The following MYO3B variants were observed in gnomAD, a reference collection of about 807,000 sequenced individuals.
MYO3B encodes myosin-IIIb.
A neutral mutation model predicts 174.6 loss-of-function variants in MYO3B; 156 were observed. That is an observed-to-expected ratio of 0.89 (90% CI 0.78 to 1.02). MYO3B has a LOEUF of 1.02. Among genes scored for constraint, MYO3B ranks in the 50% least tolerant of loss-of-function variants. The probability of loss-of-function intolerance (pLI) is 0.00; values close to 1 mark genes in which losing one functional copy is unlikely to be tolerated. For synonymous variants in MYO3B, 563 were observed against 569.1 expected (o/e 0.99, Z 0.15); for missense variants, 1,632 against 1,639.4 (o/e 1.00, Z 0.08).
At position 170,383,565 on chromosome 2, in the gene MYO3B, C is replaced by A. The variant is rs2094351602; in HGVS notation, c.1186-145C>A. 4 of 632,724 alleles carry A rather than the reference C, an allele frequency of 6.3e-6. No homozygotes were observed. The Admixed American group carries it at 1.1e-4, about 17-fold the overall frequency. The allele number at this position is 632,724 out of a possible 1,614,324, so 39.2% of individuals were successfully genotyped here. A position where few individuals can be genotyped will look rare whatever the true frequency, so the allele number is the denominator to read the frequency against. ...TATAGAAGTGAAATTTGAACTCAGT[C>A]CTGCAGGCTCCAGAACCTATACCCT... is the stretch of plus-strand genomic sequence containing the variant. On this transcript the variant is annotated intron_variant, in intron 11 of 34. Transcript: ENST00000408978.
At chr2:170,439,246 C>T (rs1415032831) in intron 22 of MYO3B, among the ~76,000 whole-genome samples, 4 of 151,694 alleles carry the variant, frequency 2.6e-5, no homozygotes, top group Admixed American at 6.6e-5. Flanking sequence ...CTGGTGGGCG[C>T]CTGTAGTCCC....
chr2:170,401,774 G>C lies in MYO3B; in HGVS notation c.2129+83G>C, dbSNP rs1384291462. The C allele has an allele frequency of 3.3e-6, 4 of 1,213,400 alleles. No individual in the cohort carries two copies. In the East Asian group the frequency reaches 9.8e-5, roughly 30 times the overall value. The allele number at this position is 1,213,400 out of a possible 1,614,324, so 75.2% of individuals were successfully genotyped here. A position where few individuals can be genotyped will look rare whatever the true frequency, so the allele number is the denominator to read the frequency against. ...TTAGAGTTTGCAAAAGGAAGCATTT[G>C]GTCCTCTCTGGGATTTTCTTTCTTT... On this transcript the variant is annotated intron_variant, in intron 18 of 34. Transcript: ENST00000408978.
At chr2:170,493,962 C>G (rs918821298) in intron 25 of MYO3B, among the ~76,000 whole-genome samples, 1 of 152,216 alleles carries the variant, frequency 6.6e-6, no homozygotes, top group African/African-American at 2.4e-5. Context: ...TGACTGCAGC[C>G]ATGGCTGACA....
At chr2:170,507,362 C>G (rs911677815) in intron 28 of MYO3B, among the ~76,000 whole-genome samples, 5 of 152,046 alleles carry the variant, frequency 3.3e-5, no homozygotes, top group African/African-American at 1.2e-4. Context: ...TTCCCTAGCT[C>G]TCCCATACTT....
chr2:170,587,026 A>T (rs13401095), intron 32 of MYO3B, among the ~76,000 whole-genome samples: 2,391 of 152,320 alleles, frequency 0.016, 70 homozygotes, highest in African/African-American at 0.054. Context: ...TCTCTTGCCA[A>T]GTCTACCCAA....
chr2:170,489,635 G>GTA (rs59397302), intron 25 of MYO3B, among the ~76,000 whole-genome samples: 4 of 45,180 alleles, frequency 8.9e-5, no homozygotes, highest in Non-Finnish European at 1.4e-4. Context: ...ACCAGTAGGG[G>GTA]TGTGTGTGTG....
intron 1 of MYO3B, among the ~76,000 whole-genome samples, chr2:170,197,684 C>A (rs966920625): frequency 6.6e-6 from 1 of 151,764 alleles, no homozygotes; most frequent in African/African-American, 2.4e-5. Context: ...ATTTTTGAAA[C>A]AAATTCGGAA....
At chr2:170,403,988 A>G (rs914622672) in intron 19 of MYO3B, among the ~76,000 whole-genome samples, 4 of 152,196 alleles carry the variant, frequency 2.6e-5, no homozygotes, top group Admixed American at 2.6e-4. Flanking sequence ...ATTAGTTTCT[A>G]AATGATAAGT....
intron 7 of MYO3B, among the ~76,000 whole-genome samples, chr2:170,275,274 G>A (rs1422263591): frequency 6.6e-6 from 1 of 152,164 alleles, no homozygotes; most frequent in Non-Finnish European, 1.5e-5. Flanking sequence ...ATTTATGAAG[G>A]TTGCATTCCC....
At chr2:170,307,695 A>T (rs907158411) in intron 7 of MYO3B, among the ~76,000 whole-genome samples, 6 of 152,258 alleles carry the variant, frequency 3.9e-5, no homozygotes, top group African/African-American at 1.4e-4. Flanking sequence ...TTGAGGCAGC[A>T]GTATTACAGC....
Position 170,392,408 on chromosome 2 carries a change from G to A in MYO3B, c.1704G>A (p.Val568=), listed in dbSNP as rs2094418319. 9.4e-6 allele frequency: 15 copies of A among 1,601,314 alleles called. No individual in the cohort carries two copies. Among genetic ancestry groups the A allele is most frequent in the African/African-American group, 5.3e-5 (4 of 74,826 alleles). ...ACATAGCTGATGAAACTGGAAGGGT[G>A]ATGCACGACATAACTTCCAAGGAGT... ...PRYIADETGR[V]MHDITSKESY... is the part of the protein sequence containing the mutation. Residue 568 remains valine, a synonymous_variant, in exon 16 of 35, where the codon GTG becomes GTA. Transcript: ENST00000408978.
intron 3 of MYO3B, among the ~76,000 whole-genome samples, chr2:170,202,482 C>A (rs2092672484): frequency 1.3e-5 from 2 of 152,182 alleles, no homozygotes; most frequent in Admixed American, 1.3e-4. Flanking sequence ...TCTCTTCAGT[C>A]CCCTAGCCTT....
At position 170,619,049 on chromosome 2, in the gene MYO3B, A is replaced by G. The variant is rs181968811; in HGVS notation, c.3734-32579A>G. 1.9e-3 allele frequency among the ~76,000 whole-genome samples: 291 copies of G among 152,348 alleles called. 1 individual carries two copies. Among genetic ancestry groups the G allele is most frequent in the Admixed American group, 5.3e-3 (81 of 15,304 alleles). The stretch of plus-strand genomic sequence containing the variant: ...AAACAGGATGTGAAGCTAGACAACC[A>G]GTTAGACCAGAAATTCTCAGAAGGG... On this transcript the variant is annotated intron_variant, in intron 32 of 34. Coordinates refer to ENST00000408978, the MANE Select transcript of MYO3B (RefSeq NM_138995.5).
At chr2:170,446,703 C>G (rs2094844977) in intron 23 of MYO3B, among the ~76,000 whole-genome samples, 1 of 152,146 alleles carries the variant, frequency 6.6e-6, no homozygotes. Flanking sequence ...AAGCTCGGCT[C>G]TGTAAGTGTG....
At chr2:170,651,792 T>C (rs1490475715) in intron 33 of MYO3B, 58 bp downstream of exon 33, 33 of 1,425,544 alleles carry the variant, frequency 2.3e-5, no homozygotes, top group Non-Finnish European at 3.0e-5. Flanking sequence ...TTAATAATTC[T>C]GTTATTACTA....
At chr2:170,547,561 T>C (rs1462173248) in intron 32 of MYO3B, among the ~76,000 whole-genome samples, 2 of 152,218 alleles carry the variant, frequency 1.3e-5, no homozygotes, top group Non-Finnish European at 2.9e-5. Context: ...TATATTTATT[T>C]ATTCAAAAAA....
intron 8 of MYO3B, among the ~76,000 whole-genome samples, chr2:170,359,902 G>C (rs1402467107): frequency 2.0e-5 from 3 of 152,018 alleles, no homozygotes; most frequent in African/African-American, 7.3e-5. Flanking sequence ...TTTTCCCTAG[G>C]CATTTGCTGT....
chr2:170,399,881 G>A (rs2094463960), intron 16 of MYO3B, among the ~76,000 whole-genome samples: 1 of 152,226 alleles, frequency 6.6e-6, no homozygotes, highest in Non-Finnish European at 1.5e-5. Flanking sequence ...ATCCTCATCA[G>A]TGGCATGGTA....
chr2:170,331,122 C>T (rs1434572551), intron 7 of MYO3B, among the ~76,000 whole-genome samples: 1 of 152,114 alleles, frequency 6.6e-6, no homozygotes, highest in African/African-American at 2.4e-5. Flanking sequence ...AAGAATAGGA[C>T]CTGTTTTGGA....
Sources: allele counts gnomAD v4.1 joint callset (sites outside exome capture counted in the v4.1 genomes callset), GRCh38; gene constraint gnomAD v4.1.1; transcripts MANE v1.5; gene names NCBI Gene and HGNC (gene_info 2026-07-23, HGNC 2026-07-21).